CENPT: variants seen among roughly 807,000 people sequenced by gnomAD.
The protein encoded by CENPT is interphase centromere complex protein 22.
Under a neutral mutation model 59.7 loss-of-function variants are expected in CENPT, and 42 were observed. That is an observed-to-expected ratio of 0.70 (90% CI 0.55 to 0.91). The LOEUF is 0.91. Among genes scored for constraint, CENPT ranks in the 40% least tolerant of loss-of-function variants. The pLI is 0.00. For synonymous variants in CENPT, 295 were observed against 289.6 expected (o/e 1.02, Z -0.19); for missense variants, 716 against 713.4 (o/e 1.00, Z -0.04).
intron 1 of CENPT, chr16:67,844,206 G>A (rs975163927): frequency 1.8e-5 from 3 of 166,406 alleles, no homozygotes; most frequent in South Asian, 4.1e-4. Context: ...TTTGGGTCTC[G>A]CCATTTTATT....
Position 67,843,504 on chromosome 16 carries a change from G to T in CENPT, c.-492+3897C>A. On this transcript the variant is annotated intron_variant, in intron 1 of 15. Transcript: ENST00000562787. This position sits in a 1 kb window ranked among gnomAD's most constrained non-coding sequence, Gnocchi z 5.7. ...CGCAAGAAGCACGGAATGTGAACTG[G>T]TGCCCCGGCAGCCTGCTGGACTCCC... 1 of 1,601,104 alleles carries T rather than the reference G, an allele frequency of 6.2e-7. No homozygotes were observed. Among genetic ancestry groups the T allele is most frequent in the Non-Finnish European group, 8.5e-7 (1 of 1,172,892 alleles).
At chr16:67,834,271 T>C (rs118042287) in intron 3 of CENPT, 171 bp from the exon 4 acceptor site, 332 of 165,392 alleles carry the variant, frequency 2.0e-3, no homozygotes, top group Middle Eastern at 5.3e-3. Flanking sequence ...GGAGAGACAC[T>C]TGGGCCAGGA....
At chr16:67,833,497 TG>T (rs1230268819) in intron 4 of CENPT, among the ~76,000 whole-genome samples, 1 of 152,172 alleles carries the variant, frequency 6.6e-6, no homozygotes, top group Non-Finnish European at 1.5e-5. Context: ...CCTGGAGCCC[TG>T]GGGGCAGGGG....
rs769030150 is a variant in CENPT, at chr16:67,842,917, G to GCAA, written c.-492+4481_-492+4483dup. 8 of 1,511,686 alleles carry GCAA rather than the reference G, an allele frequency of 5.3e-6. No homozygotes were observed. Among genetic ancestry groups the GCAA allele is most frequent in the African/African-American group, 4.9e-5 (3 of 61,176 alleles). The allele number at this position is 1,511,686 out of a possible 1,614,324, so 93.6% of individuals were successfully genotyped here. On this transcript the variant is annotated intron_variant, in intron 1 of 15. Transcript: ENST00000562787. The surrounding 1 kb of genome is among the most constrained non-coding windows in gnomAD (Gnocchi z 4.9). ...AACAGCAGCAACAGCAGCAGCAGCA[G>GCAA]CAACAGCAGCAGCAGCAGCAGCAGC...
At chr16:67,837,773 T>A (rs2057741735) in intron 1 of CENPT, among the ~76,000 whole-genome samples, 1 of 152,186 alleles carries the variant, frequency 6.6e-6, no homozygotes, top group South Asian at 2.1e-4. Flanking sequence ...TTTGTTCACA[T>A]AATTAAACGT....
rs369219923 is a variant in CENPT, at chr16:67,832,463, C to T, written c.193G>A (p.Gly65Arg). Residue 65 changes from glycine (G) to arginine (R), a missense_variant, in exon 5 of 16, where the codon GGA becomes AGA. By Grantham distance (125) the Gly-to-Arg change is moderately radical. Coordinates refer to ENST00000562787, the MANE Select transcript of CENPT (RefSeq NM_025082.4). ...GTGGGCTGGGTACTTACCCTGGCTC[C>T]ATGGGAACGCCCTCTGGCTATCGTC... ...TRTIARGRSH[G>R]ARSVGRSAHI... 33 of 1,614,206 alleles carry T rather than the reference C, an allele frequency of 2.0e-5. No individual in the cohort carries two copies. In the African/African-American group the frequency reaches 4.1e-4, roughly 20 times the overall value.
intron 3 of CENPT, among the ~76,000 whole-genome samples, chr16:67,834,539 A>G (rs770267304): frequency 2.6e-5 from 4 of 152,138 alleles, no homozygotes; most frequent in Non-Finnish European, 5.9e-5. Context: ...GCATTGCTTG[A>G]GCCCAGGAGT....
In CENPT at chr16:67,828,687, A is replaced by C. The variant is rs202153240; in HGVS notation, c.1437T>G (p.Ala479=). The C allele has an allele frequency of 1.6e-5, 26 of 1,614,110 alleles. No homozygotes were observed. The East Asian group carries it at 5.8e-4, about 36-fold the overall frequency. The part of the protein sequence containing the change: ...FYAKMPMERK[A]LEMVEKCLDK... ...CTCACCACTTCTCCACCATCTCAAG[A>C]GCCTTCCTCTCCATGGGCATCTTGG... The change falls in exon 14 of 16, where the codon GCT becomes GCG. Residue 479 remains alanine, a synonymous_variant. Coordinates refer to ENST00000562787, the MANE Select transcript of CENPT (RefSeq NM_025082.4).
rs201434551 is a variant in CENPT at position 67,829,438 on chromosome 16, G to A, written c.1265C>T (p.Ala422Val). 361 of 1,580,862 alleles carry A rather than the reference G, an allele frequency of 2.3e-4. 2 individuals carry two copies. The African/African-American group carries it at 4.0e-3, about 18-fold the overall frequency. ...GGGATCTTACACTGCAGCACCAGGCGCTGGGGCTGGCTCAAGAAACTGATG... is the reference window on the plus strand; with the variant it reads ...GGGATCTTACACTGCAGCACCAGGCACTGGGGCTGGCTCAAGAAACTGATG... ...RHHQFLEPAP[A>V]PGAAVLSSEP... Residue 422 changes from alanine to valine, a missense_variant, in exon 13 of 16, where the codon GCG (alanine) becomes GTG (valine). Ala to Val is a moderately conservative substitution (Grantham distance 64). Coordinates refer to ENST00000562787, the MANE Select transcript of CENPT (RefSeq NM_025082.4).
At chr16:67,830,128 G>A in intron 11 of CENPT, 40 bp from the exon 12 acceptor site, 2 of 1,581,504 alleles carry the variant, frequency 1.3e-6, no homozygotes, top group South Asian at 1.1e-5. Context: ...AGACGCAGCA[G>A]GCCAAGGCTG....
chr16:67,843,033 T>G lies in CENPT; in HGVS notation c.-492+4368A>C, dbSNP rs1469973978. ...GCTTCCGCGGCCGTGCTTCTCACCC[T>G]TCAGGCCACTGTAGACAGCAGTCAG... is the stretch of plus-strand genomic sequence containing the variant. On this transcript the variant is annotated intron_variant, in intron 1 of 15. Transcript: ENST00000562787. The surrounding 1 kb of genome is among the most constrained non-coding windows in gnomAD (Gnocchi z 5.7). 2.5e-6 allele frequency: 4 copies of G among 1,612,504 alleles called. No homozygotes were observed. Among genetic ancestry groups the G allele is most frequent in the Non-Finnish European group, 3.4e-6 (4 of 1,180,026 alleles).
intron 1 of CENPT, among the ~76,000 whole-genome samples, chr16:67,839,185 G>A (rs1054904389): frequency 1.1e-4 from 16 of 151,998 alleles, no homozygotes; most frequent in African/African-American, 3.9e-4. Flanking sequence ...TCAGGAGTTT[G>A]CGACCAACCT....
rs772898942 is a variant in CENPT at position 67,830,561 on chromosome 16, T to C, written c.704-13A>G. The C allele has an allele frequency of 1.9e-6, 3 of 1,612,578 alleles. No homozygotes were observed. Among genetic ancestry groups the C allele is most frequent in the Middle Eastern group, 1.7e-4 (1 of 6,054 alleles). ...TCCAACACAATGTCTGTGGGCAGAG[T>C]AGTAACAGGTTCTGAGGCTGTCACC... is the stretch of plus-strand genomic sequence containing the variant. On this transcript the variant is annotated splice_polypyrimidine_tract_variant and intron_variant, in intron 10 of 15. Transcript: ENST00000562787.
chr16:67,842,975 C>T lies in CENPT; in HGVS notation c.-492+4426G>A. ...GTCCTCACCCTCTGCCTCCACTGCC[C>T]AGACTGCCCAGCTGCAGCCGAACCT... On this transcript the variant is annotated intron_variant, in intron 1 of 15. Transcript: ENST00000562787. The surrounding 1 kb of genome is among the most constrained non-coding windows in gnomAD (Gnocchi z 4.9). 6.2e-7 allele frequency: 1 copy of T among 1,611,538 alleles called. No homozygotes were observed. The highest frequency in any genetic ancestry group is 8.5e-7 in the Non-Finnish European group (1 of 1,179,572).
In CENPT at chr16:67,828,816, C is replaced by T. The variant is rs753227982; in HGVS notation, c.1308G>A (p.Leu436=). The T allele has an allele frequency of 1.9e-6, 3 of 1,589,746 alleles. No homozygotes were observed. The highest frequency in any genetic ancestry group is 3.9e-5 in the Admixed American group (2 of 50,726). Residue 436 remains leucine, a synonymous_variant, in exon 14 of 16, where the codon CTG becomes CTA. Transcript: ENST00000562787. ...GGGGCCTAGGGGGATGCCTGACCAACAGAGGCTCTGCAGGCTCTGAAGATA... is the reference window on the plus strand; with the variant it reads ...GGGGCCTAGGGGGATGCCTGACCAATAGAGGCTCTGCAGGCTCTGAAGATA... The part of the protein sequence containing the change: ...AVLSSEPAEP[L]LVRHPPRPRT...
At chr16:67,847,003 C>CA (rs999717185) in intron 1 of CENPT, 6 of 151,952 alleles carry the variant, frequency 3.9e-5, no homozygotes, top group Admixed American at 3.3e-4. Context: ...TCGGGGCCAG[C>CA]ACGCCGGGGC....
chr16:67,834,221 T>C (rs942078799), intron 3 of CENPT, 121 bp from the exon 4 acceptor site: 5 of 202,502 alleles, frequency 2.5e-5, no homozygotes, highest in Admixed American at 1.2e-4. Context: ...TTGCTATTAT[T>C]AGAAGGCTCT....
chr16:67,842,827 G>C lies in CENPT; in HGVS notation c.-492+4574C>G. 2 of 1,609,310 alleles carry C rather than the reference G, an allele frequency of 1.2e-6. No homozygotes were observed. The highest frequency in any genetic ancestry group is 1.7e-6 in the Non-Finnish European group (2 of 1,179,170). Reference sequence around the variant, plus strand: ...GCGGCGTCAATGAGCGCAAAGTAGCGCGCAGACCCGCTGGGGCCGCGGCCG... The same window carrying C: ...GCGGCGTCAATGAGCGCAAAGTAGCCCGCAGACCCGCTGGGGCCGCGGCCG... On this transcript the variant is annotated intron_variant, in intron 1 of 15. Transcript: ENST00000562787. The surrounding 1 kb of genome is among the most constrained non-coding windows in gnomAD (Gnocchi z 4.9).
In CENPT at chr16:67,829,792, C is replaced by T. The variant is rs1262824607; in HGVS notation, c.1159G>A (p.Gly387Arg). The T allele has an allele frequency of 9.3e-6, 15 of 1,614,100 alleles. No individual in the cohort carries two copies. The highest frequency in any genetic ancestry group is 4.0e-5 in the African/African-American group (3 of 74,950). Residue 387 changes from glycine (G) to arginine (R), a missense_variant, in exon 12 of 16, where the codon GGG becomes AGG. Coordinates refer to ENST00000562787, the MANE Select transcript of CENPT (RefSeq NM_025082.4). ...AEADGPGASS[G>R]DEDASGRAAS... ...GCCCTGCCAGAGGCATCCTCATCCC[C>T]TGAAGATGCTCCTGGCCCGTCAGCC...
Sources: allele counts gnomAD v4.1 joint callset (sites outside exome capture counted in the v4.1 genomes callset), GRCh38; gene constraint gnomAD v4.1.1; non-coding constraint Gnocchi (gnomAD v3.1); transcripts MANE v1.5; gene names NCBI Gene and HGNC (gene_info 2026-07-23, HGNC 2026-07-21).